ZNF423: variants seen among roughly 807,000 people sequenced by gnomAD.
ZNF423 encodes Ebf-associated zinc finger protein.
ZNF423 carries 12 observed loss-of-function variants against 95.8 expected under a neutral mutation model. The ratio of observed to expected loss-of-function variants is 0.13; its 90% CI spans 0.08 to 0.20. The LOEUF is 0.20. Ranked by LOEUF, ZNF423 falls within the 10% of genes least tolerant of loss-of-function variation. The pLI is 1.00. For synonymous variants in ZNF423, 749 were observed against 711.9 expected, an observed-to-expected ratio of 1.05 and a Z score of -0.83; for missense variants, 1,316 against 1,737.1, an observed-to-expected ratio of 0.76 and a Z score of 4.31.
At chr16:49,508,971 G>A (rs1217652818) in intron 7 of ZNF423, among the ~76,000 whole-genome samples, 1 of 152,196 alleles carries the variant, frequency 6.6e-6, no homozygotes, top group African/African-American at 2.4e-5. Context: ...CTCTAAGGAG[G>A]AAAGCTGTGT....
At chr16:49,843,181 C>T (rs1333466271) in intron 1 of ZNF423, among the ~76,000 whole-genome samples, 1 of 152,114 alleles carries the variant, frequency 6.6e-6, no homozygotes, top group African/African-American at 2.4e-5. Context: ...GCCAAAGAAA[C>T]ACTCAAACAA....
intron 5 of ZNF423, among the ~76,000 whole-genome samples, chr16:49,587,527 G>A (rs1291274514): frequency 6.6e-6 from 1 of 152,118 alleles, no homozygotes; most frequent in Admixed American, 6.5e-5. Flanking sequence ...ACTGAGACAA[G>A]GGGCTTTGAC....
At chr16:49,815,881 A>AAAAAATAT (rs1185501557) in intron 1 of ZNF423, among the ~76,000 whole-genome samples, 1 of 47,590 alleles carries the variant, frequency 2.1e-5, no homozygotes, top group African/African-American at 9.9e-5. Context: ...AAAAAAAAAA[A>AAAAAATAT]ATATATATAT....
intron 2 of ZNF423, among the ~76,000 whole-genome samples, chr16:49,742,199 T>C (rs2033427820): frequency 6.6e-6 from 1 of 152,168 alleles, no homozygotes; most frequent in South Asian, 2.1e-4. Flanking sequence ...CTACCCTCCC[T>C]GCAGGGCTCA....
At chr16:49,736,784 G>A (rs950204869) in intron 2 of ZNF423, among the ~76,000 whole-genome samples, 6 of 152,206 alleles carry the variant, frequency 3.9e-5, no homozygotes, top group African/African-American at 1.4e-4. Context: ...AACAGAGCAA[G>A]AGTCTCAAAA....
chr16:49,667,331 C>A (rs2030593076), intron 3 of ZNF423, among the ~76,000 whole-genome samples: 1 of 152,314 alleles, frequency 6.6e-6, no homozygotes, highest in African/African-American at 2.4e-5. Context: ...TGGGTCGGGG[C>A]ACAGCCAGAC....
chr16:49,559,140 G>C (rs1969936225), intron 5 of ZNF423, among the ~76,000 whole-genome samples: 1 of 152,220 alleles, frequency 6.6e-6, no homozygotes, highest in Non-Finnish European at 1.5e-5. Flanking sequence ...TGTATGTCTG[G>C]GGTGGGGAGT....
chr16:49,837,546 A>C (rs886433436), intron 1 of ZNF423, among the ~76,000 whole-genome samples: 3 of 152,130 alleles, frequency 2.0e-5, no homozygotes, highest in Non-Finnish European at 4.4e-5. Flanking sequence ...TCAACAGGCC[A>C]CCTGCAATGC....
chr16:49,540,145 T>C (rs375870388), intron 5 of ZNF423, among the ~76,000 whole-genome samples: 35 of 152,338 alleles, frequency 2.3e-4, no homozygotes, highest in African/African-American at 7.7e-4. Context: ...TCTAGAATGC[T>C]GGCCTCAGCT....
intron 3 of ZNF423, among the ~76,000 whole-genome samples, chr16:49,709,591 G>T (rs979003707): frequency 6.6e-6 from 1 of 152,082 alleles, no homozygotes; most frequent in African/African-American, 2.4e-5. Context: ...CACTGCTATC[G>T]TCTGAATGTT....
chr16:49,545,518 C>A (rs548829329), intron 5 of ZNF423, among the ~76,000 whole-genome samples: 1 of 152,186 alleles, frequency 6.6e-6, no homozygotes, highest in African/African-American at 2.4e-5. Flanking sequence ...GCCCTGCCAG[C>A]CAGGGTGACC....
chr16:49,665,752 C>T (rs944325715), intron 3 of ZNF423, among the ~76,000 whole-genome samples: 2 of 152,126 alleles, frequency 1.3e-5, no homozygotes, highest in Non-Finnish European at 2.9e-5. Flanking sequence ...ATCATCCAGC[C>T]GTCTCTTTCC....
At chr16:49,771,875 A>C (rs2039171417) in intron 2 of ZNF423, among the ~76,000 whole-genome samples, 1 of 152,168 alleles carries the variant, frequency 6.6e-6, no homozygotes, top group Middle Eastern at 3.2e-3. Context: ...TACCCTCACC[A>C]GGGTTCTCCC....
At chr16:49,575,137 C>T (rs1309546544) in intron 5 of ZNF423, among the ~76,000 whole-genome samples, 3 of 152,124 alleles carry the variant, frequency 2.0e-5, no homozygotes, top group Non-Finnish European at 4.4e-5. Flanking sequence ...AAGAAAGTGG[C>T]TCATTCACGC....
intron 1 of ZNF423, among the ~76,000 whole-genome samples, chr16:49,795,087 G>A (rs1477938517): frequency 1.5e-4 from 23 of 151,964 alleles, no homozygotes; most frequent in Admixed American, 1.5e-3. Context: ...AGCCAGGCTG[G>A]TCTTGAACTC....
intron 5 of ZNF423, among the ~76,000 whole-genome samples, chr16:49,549,061 C>A (rs117194600): frequency 0.015 from 2,288 of 152,238 alleles, 37 homozygotes; most frequent in Middle Eastern, 0.055. Flanking sequence ...AGATGTGTGC[C>A]CACTTCAGAT....
intron 5 of ZNF423, among the ~76,000 whole-genome samples, chr16:49,596,476 A>G (rs1971181645): frequency 6.6e-6 from 1 of 152,230 alleles, no homozygotes; most frequent in African/African-American, 2.4e-5. Flanking sequence ...CTGTAACACC[A>G]TGTAAAATGC....
intron 2 of ZNF423, among the ~76,000 whole-genome samples, chr16:49,752,962 G>C (rs1053215973): frequency 6.6e-6 from 1 of 152,214 alleles, no homozygotes; most frequent in East Asian, 1.9e-4. Context: ...TCAGAAAATC[G>C]ACCAGGCACA....
At chr16:49,725,762 T>TGCA (rs1339813590) in intron 3 of ZNF423, among the ~76,000 whole-genome samples, 1 of 152,162 alleles carries the variant, frequency 6.6e-6, no homozygotes, top group African/African-American at 2.4e-5. Context: ...CAGCCTTCAC[T>TGCA]GCAGTGTGGA....
Sources: gnomAD v4.1 joint callset for allele counts (sites outside exome capture counted in the v4.1 genomes callset) on GRCh38, gnomAD v4.1.1 for gene constraint, MANE v1.5 for transcripts, NCBI Gene and HGNC (gene_info 2026-07-23, HGNC 2026-07-21) for gene names.